DENND4A: variants seen among roughly 807,000 people sequenced by gnomAD.
The protein encoded by DENND4A is C-myc promoter-binding protein.
In DENND4A, 70 loss-of-function variants were observed where a neutral mutation model predicts 199.3. The observed-to-expected ratio is 0.35, with a 90% CI of 0.29 to 0.43. The LOEUF is 0.43. DENND4A is among the 20% of genes least tolerant of loss of function. DENND4A has a pLI of 1.00. For synonymous variants in DENND4A, 686 were observed against 766.9 expected (o/e 0.89, Z 1.74); for missense variants, 1,723 against 2,255.8 (o/e 0.76, Z 4.78).
chr15:65,741,768 T>C lies in DENND4A; in HGVS notation c.578A>G (p.Tyr193Cys). 6.2e-7 allele frequency: 1 copy of C among 1,612,180 alleles called. No homozygotes were observed. The highest frequency in any genetic ancestry group is 8.5e-7 in the Non-Finnish European group (1 of 1,179,000). ...TGCCACCGATTTTTTATAACACAAGTATACTGCTGATCCCCACTGGATTTA... is the reference window on the plus strand; with the variant it reads ...TGCCACCGATTTTTTATAACACAAGCATACTGCTGATCCCCACTGGATTTA... ...LNNSMWGSAV[Y>C]LCYKKSVAKT... The change falls in exon 5 of 33, where the codon TAC becomes TGC. Residue 193 changes from tyrosine to cysteine, a missense_variant. Physicochemically the swap from Tyr to Cys is radical, Grantham distance 194. Coordinates refer to ENST00000443035, the MANE Select transcript of DENND4A (RefSeq NM_001320835.1).
chr15:65,750,839 G>C (rs907695384), intron 4 of DENND4A, among the ~76,000 whole-genome samples: 1 of 152,020 alleles, frequency 6.6e-6, no homozygotes, highest in African/African-American at 2.4e-5. Flanking sequence ...AGCCATTAAG[G>C]GTTTTAAGCA....
At chr15:65,699,664 T>C (rs1353254355) in intron 20 of DENND4A, among the ~76,000 whole-genome samples, 1 of 148,154 alleles carries the variant, frequency 6.7e-6, no homozygotes. Flanking sequence ...ATTATACATA[T>C]ATTATTTTAT....
At chr15:65,663,910 C>G (rs1256457917) in intron 32 of DENND4A, among the ~76,000 whole-genome samples, 1 of 152,080 alleles carries the variant, frequency 6.6e-6, no homozygotes, top group Non-Finnish European at 1.5e-5. Context: ...CCTTGGCCTC[C>G]CAAAGTGCTG....
At chr15:65,715,017 C>A (rs1050046702) in intron 14 of DENND4A, 1 of 155,040 alleles carries the variant, frequency 6.4e-6, no homozygotes, top group Non-Finnish European at 1.4e-5. Flanking sequence ...AGGTTTCATA[C>A]ATAAATTTAA....
At position 65,772,010 on chromosome 15, in the gene DENND4A, G is replaced by A. The variant is rs966427409; in HGVS notation, c.-101-10572C>T. ...TAGTAATTTTTATATTTGTTTATGC[G>A]CAGGCCAAGGGCAGTGGGTAGAGCT... On this transcript the variant is annotated intron_variant, in intron 1 of 32. Coordinates refer to ENST00000443035, the MANE Select transcript of DENND4A (RefSeq NM_001320835.1). 1.8e-5 allele frequency: 26 copies of A among 1,435,388 alleles called. No homozygotes were observed. In the South Asian group the frequency reaches 2.0e-4, roughly 11 times the overall value. The allele number at this position is 1,435,388 out of a possible 1,614,324, so 88.9% of individuals were successfully genotyped here. A position where few individuals can be genotyped will look rare whatever the true frequency, so the allele number is the denominator to read the frequency against.
chr15:65,785,610 C>T (rs987383335), intron 1 of DENND4A, among the ~76,000 whole-genome samples: 6 of 151,734 alleles, frequency 4.0e-5, no homozygotes, highest in African/African-American at 1.5e-4. Flanking sequence ...TATACACTCA[C>T]ATACTCATAT....
chr15:65,742,077 CTG>C (rs1464315306), intron 4 of DENND4A, among the ~76,000 whole-genome samples: 1 of 152,194 alleles, frequency 6.6e-6, no homozygotes, highest in African/African-American at 2.4e-5. Flanking sequence ...TGAGTCCAAA[CTG>C]TGGGTATAAA....
intron 12 of DENND4A, 43 bp downstream of exon 12, chr15:65,722,805 T>C: frequency 6.9e-7 from 1 of 1,441,658 alleles, no homozygotes; most frequent in East Asian, 2.5e-5. Context: ...TGGAGTCCCT[T>C]TTTCAGATTA....
At chr15:65,711,114 C>A (rs1453594200) in intron 14 of DENND4A, among the ~76,000 whole-genome samples, 2 of 152,100 alleles carry the variant, frequency 1.3e-5, no homozygotes, top group South Asian at 2.1e-4. Context: ...AAGGCAAACA[C>A]AAAACTTTGC....
chr15:65,756,878 A>G (rs1239770978), intron 2 of DENND4A, among the ~76,000 whole-genome samples: 1 of 152,112 alleles, frequency 6.6e-6, no homozygotes, highest in East Asian at 1.9e-4. Context: ...TCTACTAAAA[A>G]TACCAAAAAT....
Position 65,676,627 on chromosome 15 carries a change from C to T in DENND4A, c.4187G>A (p.Ser1396Asn). The T allele has an allele frequency of 6.2e-7, 1 of 1,610,344 alleles. No homozygotes were observed. The highest frequency in any genetic ancestry group is 1.6e-4 in the Middle Eastern group (1 of 6,072). ...TMYTTSSKDQ[S>N]SDRTSLSSVG... ...TGAAGAAAGACTGGTACGATCAGAA[C>T]TTTGATCCTAAGGACATAATTATAA... The change falls in exon 24 of 33, where the codon AGT becomes AAT. Residue 1396 changes from serine to asparagine, a missense_variant. Physicochemically the swap from Ser to Asn is conservative, Grantham distance 46 (BLOSUM62 1). This residue lies in a region of DENND4A where 650 missense variants were observed against 738.1 expected (regional missense o/e 0.88). Coordinates refer to ENST00000443035, the MANE Select transcript of DENND4A (RefSeq NM_001320835.1).
chr15:65,762,920 T>A (rs773766954), intron 1 of DENND4A, among the ~76,000 whole-genome samples: 1 of 152,212 alleles, frequency 6.6e-6, no homozygotes, highest in Non-Finnish European at 1.5e-5. Flanking sequence ...ATCATTTATA[T>A]CAAATCTCAC....
At position 65,764,971 on chromosome 15, in the gene DENND4A, C is replaced by CA. The variant is rs1567090727; in HGVS notation, c.-101-3534_-101-3533insT. ...TGGGTGACAGAGCGAGACCCTGTCT[C>CA]CAAAAAAAAAAAAAAAAAAAGTAAC... On this transcript the variant is annotated intron_variant, in intron 1 of 32. Transcript: ENST00000443035. Among the ~76,000 whole-genome samples the CA allele has an allele frequency of 1.2e-3, 103 of 89,036 alleles. 1 individual carries two copies. The highest frequency in any genetic ancestry group is 8.5e-3 in the East Asian group (14 of 1,650). The allele number at this position is 89,036 out of a possible 152,430, so 58.4% of individuals were successfully genotyped here. A position where few individuals can be genotyped will look rare whatever the true frequency, so the allele number is the denominator to read the frequency against.
At chr15:65,691,958 C>CTTT (rs767840868) in intron 22 of DENND4A, among the ~76,000 whole-genome samples, 1 of 134,088 alleles carries the variant, frequency 7.5e-6, no homozygotes. Flanking sequence ...CTGAGTCTTC[C>CTTT]TTTTTTTTTT....
In DENND4A at chr15:65,731,682, G is replaced by C; in HGVS notation, c.1126C>G (p.Leu376Val). 6.4e-7 allele frequency: 1 copy of C among 1,559,246 alleles called. No homozygotes were observed. Among genetic ancestry groups the C allele is most frequent in the Non-Finnish European group, 8.7e-7 (1 of 1,150,442 alleles). ...GAAGACACAGGCTGACTGAGAATCA[G>C]ATTATCATGTGGTGATAACTGGAAG... ...ILVQLSPHDNLILSQPVSSPL... is the reference protein window; with the variant it reads ...ILVQLSPHDNVILSQPVSSPL... The change falls in exon 9 of 33, where the codon CTG (leucine) becomes GTG (valine). Residue 376 changes from leucine to valine, a missense_variant. Physicochemically the swap from Leu to Val is conservative, Grantham distance 32. Transcript: ENST00000443035.
chr15:65,737,734 G>C lies in DENND4A; in HGVS notation c.1013C>G (p.Ser338Cys). 1 of 1,580,568 alleles carries C rather than the reference G, an allele frequency of 6.3e-7. No individual in the cohort carries two copies. Among genetic ancestry groups the C allele is most frequent in the South Asian group, 1.2e-5 (1 of 86,030 alleles). ...CTCAATTGGAAGGACATGAGGCCCA[G>C]AGATGGAATAACGATACAGAAAAGT... ...FLTFLYRYSI[S>C]GPHVLPIEKH... Residue 338 changes from serine to cysteine, a missense_variant, in exon 7 of 33, where the codon TCT becomes TGT. By Grantham distance (112) the Ser-to-Cys change is moderately radical. Coordinates refer to ENST00000443035, the MANE Select transcript of DENND4A (RefSeq NM_001320835.1).
At chr15:65,725,779 T>C (rs78031757) in intron 11 of DENND4A, among the ~76,000 whole-genome samples, 111 of 152,312 alleles carry the variant, frequency 7.3e-4, no homozygotes, top group African/African-American at 2.6e-3. Context: ...ACTTGGTACA[T>C]ACATATTAAT....
chr15:65,709,695 C>CAAAAAAA (rs1171075195), intron 14 of DENND4A, among the ~76,000 whole-genome samples: 6 of 36,164 alleles, frequency 1.7e-4, no homozygotes, highest in Admixed American at 5.3e-4. Context: ...AACTCCATCT[C>CAAAAAAA]AAAAAAAAAA....
chr15:65,676,662 C>T (rs1555413506), intron 23 of DENND4A, 28 bp from the exon 24 acceptor site: 2 of 1,556,514 alleles, frequency 1.3e-6, no homozygotes, highest in African/African-American at 1.4e-5. Context: ...AGCTTAATTT[C>T]TTGTACATTT....
Sources: gnomAD v4.1 joint callset for allele counts (sites outside exome capture counted in the v4.1 genomes callset) on GRCh38, gnomAD v4.1.1 for gene constraint, gnomAD v4.1.1 regional missense constraint, MANE v1.5 for transcripts, NCBI Gene and HGNC (gene_info 2026-07-23, HGNC 2026-07-21) for gene names.